The following SLC25A32 variants were observed in gnomAD, a reference collection of about 807,000 sequenced individuals.
SLC25A32 encodes the protein Glycine auxotroph B, complementation of hamster.
Under a neutral mutation model 39.0 loss-of-function variants are expected in SLC25A32, and 32 were observed. The ratio of observed to expected loss-of-function variants is 0.82; its 90% CI spans 0.62 to 1.10. The LOEUF (loss-of-function observed/expected upper bound fraction) is 1.10, where lower values mean the gene tolerates loss of function less well. Ranked by LOEUF, SLC25A32 falls within the 50% of genes least tolerant of loss-of-function variation. The pLI, the probability that SLC25A32 is intolerant of heterozygous loss-of-function variation, is 0.00. For missense variants in SLC25A32, 367 were observed against 395.3 expected (o/e 0.93, Z 0.61); for synonymous variants, 166 against 152.4 (o/e 1.09, Z -0.66).
intron 6 of SLC25A32, among the ~76,000 whole-genome samples, chr8:103,400,957 G>T (rs765941224): frequency 6.6e-6 from 1 of 152,038 alleles, no homozygotes; most frequent in Admixed American, 6.6e-5. Context: ...TATGGAATAC[G>T]GCCTAGAAAT....
chr8:103,412,735 T>C (rs1397711812), intron 1 of SLC25A32, among the ~76,000 whole-genome samples: 1 of 152,206 alleles, frequency 6.6e-6, no homozygotes, highest in Non-Finnish European at 1.5e-5. Flanking sequence ...TGAAGTAATT[T>C]CTAATCTTTC....
rs544815249 is a variant in SLC25A32, at chr8:103,411,356, T to G, written c.154+3428A>C. Among the ~76,000 whole-genome samples, 3 of 152,286 alleles carry G rather than the reference T, an allele frequency of 2.0e-5. No homozygotes were observed. In the South Asian group the frequency reaches 6.2e-4, roughly 32 times the overall value. On this transcript the variant is annotated intron_variant, in intron 1 of 6. Coordinates refer to ENST00000297578, the MANE Select transcript of SLC25A32 (RefSeq NM_030780.5). ...AAGTCTCTCCTAAGTATTTCCTCTTTGATCTCAGTGCCCCCTTATCAGGTA... is the reference window on the plus strand; with the variant it reads ...AAGTCTCTCCTAAGTATTTCCTCTTGGATCTCAGTGCCCCCTTATCAGGTA...
At chr8:103,401,842 A>T in intron 5 of SLC25A32, 99 bp downstream of exon 5, 6 of 1,027,940 alleles carry the variant, frequency 5.8e-6, no homozygotes, top group Non-Finnish European at 8.5e-6. Context: ...GCCAGTACTC[A>T]TCATCATAGC....
chr8:103,404,216 T>C (rs765648514), intron 3 of SLC25A32, among the ~76,000 whole-genome samples: 2 of 152,208 alleles, frequency 1.3e-5, no homozygotes, highest in Non-Finnish European at 2.9e-5. Context: ...CATTAGGGAT[T>C]CATAACTTTT....
chr8:103,404,722 A>G, intron 3 of SLC25A32, 54 bp downstream of exon 3: 1 of 1,338,652 alleles, frequency 7.5e-7, no homozygotes, highest in East Asian at 2.3e-5. Context: ...CAAAAACCAA[A>G]ACTGAAAATT....
In SLC25A32 at chr8:103,398,853, GATAT is replaced by G. The variant is rs1816158763; in HGVS notation, c.*1554_*1557del. On this transcript the variant is annotated 3_prime_UTR_variant, in exon 7 of 7. Coordinates refer to ENST00000297578, the MANE Select transcript of SLC25A32 (RefSeq NM_030780.5). The stretch of plus-strand genomic sequence containing the variant: ...TAAAGCATTCATCTGCATGTTATAA[GATAT>G]TACAGTAAATACAATTAGGTACTTA... The G allele has an allele frequency of 2.2e-5, 2 of 91,734 alleles. No homozygotes were observed. The highest frequency in any genetic ancestry group is 9.7e-5 in the Admixed American group (1 of 10,264). The allele number at this position is 91,734 out of a possible 1,614,324, so 5.7% of individuals were successfully genotyped here. A position where few individuals can be genotyped will look rare whatever the true frequency, so the allele number is the denominator to read the frequency against.
At chr8:103,403,872 T>C (rs1349942534) in intron 3 of SLC25A32, among the ~76,000 whole-genome samples, 2 of 152,210 alleles carry the variant, frequency 1.3e-5, no homozygotes, top group Non-Finnish European at 1.5e-5. Flanking sequence ...TTTACATCCT[T>C]TATAGAGTGA....
intron 2 of SLC25A32, among the ~76,000 whole-genome samples, chr8:103,405,506 T>A (rs781445930): frequency 2.0e-5 from 3 of 152,044 alleles, no homozygotes; most frequent in African/African-American, 7.2e-5. Flanking sequence ...ACAGGGAAAA[T>A]TGGCCACACT....
Position 103,414,788 on chromosome 8 carries a change from G to C in SLC25A32, c.150C>G (p.Phe50Leu), listed in dbSNP as rs941806000. Residue 50 changes from phenylalanine to leucine, a missense_variant, in exon 1 of 7, where the codon TTC (phenylalanine) becomes TTG (leucine). Phe to Leu is a conservative substitution (Grantham distance 22, BLOSUM62 0). Coordinates refer to ENST00000297578, the MANE Select transcript of SLC25A32 (RefSeq NM_030780.5). ...GGTGTCTGGGCGGGCTCTTACCGGC[G>C]AAGCGGATCTTCACGAGGTCGAGCG... ...LHPLDLVKIR[F>L]AVSDGLELRP... 6.2e-7 allele frequency: 1 copy of C among 1,613,716 alleles called. No individual in the cohort carries two copies.
intron 1 of SLC25A32, among the ~76,000 whole-genome samples, chr8:103,410,508 T>C (rs1331676226): frequency 2.0e-5 from 3 of 152,188 alleles, no homozygotes; most frequent in Non-Finnish European, 4.4e-5. Flanking sequence ...CTTATGAGAA[T>C]TTATTGCCTG....
chr8:103,414,930 C>G lies in SLC25A32; in HGVS notation c.8G>C (p.Gly3Ala), dbSNP rs1816564253. Residue 3 changes from glycine to alanine, a missense_variant, in exon 1 of 7, where the codon GGC becomes GCC. Coordinates refer to ENST00000297578, the MANE Select transcript of SLC25A32 (RefSeq NM_030780.5). MT[G>A]QGQSASGSSA... is the part of the protein sequence containing the mutation. ...CGACCCGGACGCCGACTGGCCCTGGCCCGTCATAGGCTCGGGGCCCGTCGA... is the reference window on the plus strand; with the variant it reads ...CGACCCGGACGCCGACTGGCCCTGGGCCGTCATAGGCTCGGGGCCCGTCGA... The G allele has an allele frequency of 1.2e-6, 2 of 1,605,252 alleles. No individual in the cohort carries two copies. Among genetic ancestry groups the G allele is most frequent in the South Asian group, 1.1e-5 (1 of 90,252 alleles).
Position 103,411,408 on chromosome 8 carries a change from C to T in SLC25A32, c.154+3376G>A, listed in dbSNP as rs187164469. Among the ~76,000 whole-genome samples, 421 of 152,166 alleles carry T rather than the reference C, an allele frequency of 2.8e-3. 2 individuals are homozygous for T. Among genetic ancestry groups the T allele is most frequent in the African/African-American group, 9.8e-3 (408 of 41,486 alleles). On this transcript the variant is annotated intron_variant, in intron 1 of 6. Coordinates refer to ENST00000297578, the MANE Select transcript of SLC25A32 (RefSeq NM_030780.5). ...GTGTCTGCAATGAGAAAACCAGCCC[C>T]TCCCTGGCCCCCGAGACAATCTCAG...
At chr8:103,409,234 T>TATGC (rs1432455239) in intron 1 of SLC25A32, among the ~76,000 whole-genome samples, 1 of 92,104 alleles carries the variant, frequency 1.1e-5, no homozygotes, top group African/African-American at 4.4e-5. Context: ...CATTCTACAT[T>TATGC]ATACTACAGG....
chr8:103,407,690 T>C lies in SLC25A32; in HGVS notation c.249A>G (p.Gln83=), dbSNP rs1394476988. Residue 83 remains glutamine, a synonymous_variant, in exon 2 of 7, where the codon CAA becomes CAG. Coordinates refer to ENST00000297578, the MANE Select transcript of SLC25A32 (RefSeq NM_030780.5). ...CACCCCATATATTTGGGGTTACTCCTTGATAAAGTCCCCGTAGTCCATCAA... is the reference window on the plus strand; with the variant it reads ...CACCCCATATATTTGGGGTTACTCCCTGATAAAGTCCCCGTAGTCCATCAA... The part of the protein sequence containing the change: ...WKLDGLRGLY[Q]GVTPNIWGAG... 2 of 1,611,970 alleles carry C rather than the reference T, an allele frequency of 1.2e-6. No individual in the cohort carries two copies. Among genetic ancestry groups the C allele is most frequent in the East Asian group, 4.5e-5 (2 of 44,750 alleles).
At chr8:103,406,497 C>T (rs1350153913) in intron 2 of SLC25A32, among the ~76,000 whole-genome samples, 1 of 152,234 alleles carries the variant, frequency 6.6e-6, no homozygotes, top group Non-Finnish European at 1.5e-5. Flanking sequence ...TGTCCATGTT[C>T]TTGTTCACTA....
intron 4 of SLC25A32, 106 bp from the exon 5 acceptor site, chr8:103,402,160 T>C: frequency 1.4e-6 from 1 of 690,844 alleles, no homozygotes; most frequent in Middle Eastern, 3.7e-4. Context: ...TTAAGCAAAT[T>C]CATTTAATTT....
chr8:103,412,262 TA>T (rs1463429081), intron 1 of SLC25A32, among the ~76,000 whole-genome samples: 1 of 152,230 alleles, frequency 6.6e-6, no homozygotes. Context: ...TTTGGTTCCT[TA>T]ATATTTTGGA....
At position 103,398,689 on chromosome 8, in the gene SLC25A32, C is replaced by T. The variant is rs995661372; in HGVS notation, c.*1722G>A. On this transcript the variant is annotated 3_prime_UTR_variant, in exon 7 of 7. Coordinates refer to ENST00000297578, the MANE Select transcript of SLC25A32 (RefSeq NM_030780.5). The stretch of plus-strand genomic sequence containing the variant: ...TTTTATTCATTTGGGAGTACATAGG[C>T]GGTATTTAAACAATGGTGCTATCTT... 1.3e-5 allele frequency: 2 copies of T among 152,156 alleles called. No individual in the cohort carries two copies. The highest frequency in any genetic ancestry group is 6.5e-5 in the Admixed American group (1 of 15,276). The allele number at this position is 152,156 out of a possible 1,614,324, so 9.4% of individuals were successfully genotyped here. A position where few individuals can be genotyped will look rare whatever the true frequency, so the allele number is the denominator to read the frequency against.
At chr8:103,414,155 T>C (rs1350305491) in intron 1 of SLC25A32, among the ~76,000 whole-genome samples, 1 of 152,262 alleles carries the variant, frequency 6.6e-6, no homozygotes, top group Non-Finnish European at 1.5e-5. Context: ...ATTTCAGTTA[T>C]CAAAGATCAT....
Sources: allele counts gnomAD v4.1 joint callset (sites outside exome capture counted in the v4.1 genomes callset), GRCh38; gene constraint gnomAD v4.1.1; transcripts MANE v1.5; gene names NCBI Gene and HGNC (gene_info 2026-07-23, HGNC 2026-07-21).